Variants in KATNIP observed in about 807,000 individuals in gnomAD.
KATNIP encodes katanin interacting protein.
In KATNIP, 126 loss-of-function variants were observed where a neutral mutation model predicts 174.0. The observed-to-expected ratio is 0.72, with a 90% CI of 0.63 to 0.84. KATNIP has a LOEUF of 0.84. Among genes scored for constraint, KATNIP ranks in the 40% least tolerant of loss-of-function variants. The pLI, the probability that KATNIP is intolerant of heterozygous loss-of-function variation, is 0.00. For synonymous variants in KATNIP, 810 were observed against 835.7 expected, an observed-to-expected ratio of 0.97 and a Z score of 0.53; for missense variants, 1,958 against 2,109.7, an observed-to-expected ratio of 0.93 and a Z score of 1.41.
intron 6 of KATNIP, among the ~76,000 whole-genome samples, 162 bp from the exon 7 acceptor site, chr16:27,677,567 T>C (rs1435453006): frequency 6.6e-6 from 1 of 152,054 alleles, no homozygotes; most frequent in Non-Finnish European, 1.5e-5. Flanking sequence ...CCCCTGCCCT[T>C]TGTTTTCTCG....
At chr16:27,756,694 A>G (rs2081744221) in intron 18 of KATNIP, among the ~76,000 whole-genome samples, 1 of 152,116 alleles carries the variant, frequency 6.6e-6, no homozygotes, top group Non-Finnish European at 1.5e-5. Flanking sequence ...TAAGTTGGTC[A>G]GGATTTTTTT....
intron 6 of KATNIP, among the ~76,000 whole-genome samples, chr16:27,659,485 G>T (rs1427916294): frequency 6.6e-6 from 1 of 151,668 alleles, no homozygotes; most frequent in Non-Finnish European, 1.5e-5. Context: ...CCTCCAGCCT[G>T]GGGGACAGAG....
At chr16:27,561,186 ATT>A (rs77583757) in intron 1 of KATNIP, among the ~76,000 whole-genome samples, 7 of 124,110 alleles carry the variant, frequency 5.6e-5, no homozygotes, top group Admixed American at 8.1e-5. Context: ...TAATTTTTGT[ATT>A]TTTTTTTTTT....
chr16:27,568,963 C>T (rs2090186910), intron 1 of KATNIP, among the ~76,000 whole-genome samples: 1 of 152,072 alleles, frequency 6.6e-6, no homozygotes, highest in South Asian at 2.1e-4. Context: ...CACTCCCCTC[C>T]CACCTGAAGA....
At chr16:27,651,994 A>G (rs2077134673) in intron 6 of KATNIP, among the ~76,000 whole-genome samples, 1 of 152,216 alleles carries the variant, frequency 6.6e-6, no homozygotes, top group African/African-American at 2.4e-5. Context: ...TGCTGGGATT[A>G]CAGGCGTGAG....
intron 5 of KATNIP, among the ~76,000 whole-genome samples, chr16:27,647,598 C>T (rs145868558): frequency 0.022 from 3,312 of 151,686 alleles, 137 homozygotes; most frequent in African/African-American, 0.076. Context: ...CTCTGCCTCC[C>T]GGGTTCAAGC....
At chr16:27,586,638 G>A (rs936640073) in intron 2 of KATNIP, among the ~76,000 whole-genome samples, 7 of 151,818 alleles carry the variant, frequency 4.6e-5, no homozygotes, top group Non-Finnish European at 8.8e-5. Context: ...AGACCAGCCT[G>A]GGCAACATGG....
chr16:27,738,062 C>T (rs1013277260), intron 14 of KATNIP, among the ~76,000 whole-genome samples: 11 of 152,070 alleles, frequency 7.2e-5, no homozygotes, highest in South Asian at 2.1e-4. Flanking sequence ...ACAGATCATG[C>T]GGGGGGCCCT....
At position 27,698,361 on chromosome 16, in the gene KATNIP, C is replaced by T. The variant is rs1447948420; in HGVS notation, c.974C>T (p.Ala325Val). Residue 325 changes from alanine (A) to valine (V), a missense_variant, in exon 9 of 28, where the codon GCA (alanine) becomes GTA (valine). Around this residue, in one of 3 missense-constraint regions of KATNIP, gnomAD observed 1,557 missense variants for 1,617.8 expected, o/e 0.96. Coordinates refer to ENST00000261588, the MANE Select transcript of KATNIP (RefSeq NM_015202.5). ...PGSRRERPLS[A>V]TRKTLCEAEY... ...AGCCGGCGAGAGAGACCCCTGTCTGCAACCCGCAAAACTCTTTGCGAGGCT... is the reference window on the plus strand; with the variant it reads ...AGCCGGCGAGAGAGACCCCTGTCTGTAACCCGCAAAACTCTTTGCGAGGCT... 6.2e-7 allele frequency: 1 copy of T among 1,612,272 alleles called. No individual in the cohort carries two copies. Among genetic ancestry groups the T allele is most frequent in the Admixed American group, 1.7e-5 (1 of 59,842 alleles).
intron 8 of KATNIP, among the ~76,000 whole-genome samples, chr16:27,687,981 CT>C (rs1159257604): frequency 2.6e-5 from 4 of 152,158 alleles, no homozygotes; most frequent in African/African-American, 9.7e-5. Context: ...GCTCACAGAC[CT>C]AAAAATTCCA....
At chr16:27,708,017 C>G (rs573307052) in intron 12 of KATNIP, among the ~76,000 whole-genome samples, 2 of 149,698 alleles carry the variant, frequency 1.3e-5, no homozygotes, top group African/African-American at 2.5e-5. Flanking sequence ...TAAATTCAGC[C>G]CGTAACCTTT....
At chr16:27,596,292 T>G (rs2075333347) in intron 2 of KATNIP, among the ~76,000 whole-genome samples, 1 of 151,898 alleles carries the variant, frequency 6.6e-6, no homozygotes, top group Non-Finnish European at 1.5e-5. Flanking sequence ...CTGGACTTGT[T>G]GGATTAGATA....
At position 27,628,837 on chromosome 16, in the gene KATNIP, A is replaced by C. The variant is rs758862575; in HGVS notation, c.310+7A>C. 2 of 1,613,862 alleles carry C rather than the reference A, an allele frequency of 1.2e-6. No individual in the cohort carries two copies. The highest frequency in any genetic ancestry group is 2.2e-5 in the South Asian group (2 of 91,078). Reference sequence around the variant, plus strand: ...CACACGGAGGGGACACACGGTGAGCACAGGCCCTCCAGGCTGAGTCTCAGC... The same window carrying C: ...CACACGGAGGGGACACACGGTGAGCCCAGGCCCTCCAGGCTGAGTCTCAGC... On this transcript the variant is annotated splice_region_variant and intron_variant, in intron 4 of 27. Transcript: ENST00000261588.
intron 1 of KATNIP, among the ~76,000 whole-genome samples, chr16:27,551,732 C>T (rs2089380565): frequency 6.6e-6 from 1 of 151,944 alleles, no homozygotes; most frequent in Non-Finnish European, 1.5e-5. Flanking sequence ...TAAAACTTAG[C>T]CGGACGTGGT....
intron 8 of KATNIP, chr16:27,687,581 T>C (rs953819919): frequency 6.6e-6 from 1 of 152,322 alleles, no homozygotes; most frequent in East Asian, 1.9e-4. Context: ...AAGGGCCTCA[T>C]GTCCTCTATT....
At chr16:27,714,737 A>G (rs1216327965) in intron 13 of KATNIP, among the ~76,000 whole-genome samples, 2 of 152,250 alleles carry the variant, frequency 1.3e-5, no homozygotes. Context: ...ACTTAGAAAT[A>G]TATTTAACAA....
chr16:27,681,838 G>A (rs1418124065), intron 8 of KATNIP, among the ~76,000 whole-genome samples: 1 of 152,192 alleles, frequency 6.6e-6, no homozygotes, highest in Non-Finnish European at 1.5e-5. Flanking sequence ...TCACTTGGGG[G>A]AGGGCTGGTC....
chr16:27,721,806 T>C, intron 14 of KATNIP, 111 bp downstream of exon 14: 3 of 1,200,278 alleles, frequency 2.5e-6, no homozygotes, highest in Admixed American at 4.3e-5. Flanking sequence ...GAAGCCCTGC[T>C]GGCCTCGTGT....
intron 14 of KATNIP, among the ~76,000 whole-genome samples, chr16:27,732,672 A>C (rs2080738832): frequency 6.6e-6 from 1 of 152,112 alleles, no homozygotes; most frequent in African/African-American, 2.4e-5. Flanking sequence ...CAGGTCCTAA[A>C]GTGTGTGTGG....
Sources: gnomAD v4.1 joint callset for allele counts (sites outside exome capture counted in the v4.1 genomes callset) on GRCh38, gnomAD v4.1.1 for gene constraint, gnomAD v4.1.1 regional missense constraint, MANE v1.5 for transcripts, NCBI Gene and HGNC (gene_info 2026-07-23, HGNC 2026-07-21) for gene names.